Variants in JMY observed in about 807,000 individuals in gnomAD.
JMY encodes junction-mediating and -regulatory protein.
JMY carries 46 observed loss-of-function variants against 103.3 expected under a neutral mutation model. That is an observed-to-expected ratio of 0.45 (90% CI 0.35 to 0.57). The LOEUF (loss-of-function observed/expected upper bound fraction) is 0.57, where lower values mean the gene tolerates loss of function less well. Among genes scored for constraint, JMY ranks in the 20% least tolerant of loss-of-function variants. The pLI is 0.00. For missense variants in JMY, 1,238 were observed against 1,255.2 expected, an observed-to-expected ratio of 0.99 and a Z score of 0.21; for synonymous variants, 526 against 489.3, an observed-to-expected ratio of 1.07 and a Z score of -0.99.
chr5:79,324,804 C>G lies in JMY; in HGVS notation c.*3202C>G, dbSNP rs1747578516. 6.6e-6 allele frequency: 1 copy of G among 152,514 alleles called. No homozygotes were observed. Among genetic ancestry groups the G allele is most frequent in the African/African-American group, 2.4e-5 (1 of 41,410 alleles). 9.4% of individuals were successfully genotyped at this position (152,514 alleles called of 1,614,324 possible). A position where few individuals can be genotyped will look rare whatever the true frequency, so the allele number is the denominator to read the frequency against. ...TAATGCATTTTTTAAAAGGAGACTC[C>G]TAGACACAGCTGTAATAGTGGGAAT... On this transcript the variant is annotated 3_prime_UTR_variant, in exon 11 of 11. Transcript: ENST00000396137.
At chr5:79,249,235 T>C (rs887683992) in intron 1 of JMY, among the ~76,000 whole-genome samples, 5 of 152,180 alleles carry the variant, frequency 3.3e-5, no homozygotes, top group Non-Finnish European at 1.5e-5. Context: ...TTGGCCAGGC[T>C]GGTCTCAAAC....
intron 2 of JMY, among the ~76,000 whole-genome samples, chr5:79,288,221 C>T (rs1235966644): frequency 6.6e-6 from 1 of 152,146 alleles, no homozygotes; most frequent in Non-Finnish European, 1.5e-5. Flanking sequence ...TTCCTAGTAT[C>T]TCTCATTACT....
At position 79,314,509 on chromosome 5, in the gene JMY, C is replaced by T. The variant is rs752940556; in HGVS notation, c.2317C>T (p.Leu773Phe). The T allele has an allele frequency of 3.1e-6, 5 of 1,613,930 alleles. No homozygotes were observed. The East Asian group carries it at 1.1e-4, about 36-fold the overall frequency. Residue 773 changes from leucine (L) to phenylalanine (F), a missense_variant, in exon 9 of 11, where the codon CTC becomes TTC. Leu to Phe is a conservative substitution (Grantham distance 22). Transcript: ENST00000396137. ...LTQLEATSLP[L>F]SGVTSELPPT... is the part of the protein sequence containing the mutation. ...ACAACTTGAAGCCACCTCATTACCT[C>T]TCAGTGGTGTTACCTCTGAACTGCC...
intron 2 of JMY, among the ~76,000 whole-genome samples, chr5:79,282,186 G>A (rs951682299): frequency 2.6e-5 from 4 of 152,010 alleles, no homozygotes; most frequent in Non-Finnish European, 4.4e-5. Flanking sequence ...CAACCTGGGT[G>A]ACAGAGCGAG....
At chr5:79,289,285 A>C (rs1394358977) in intron 2 of JMY, among the ~76,000 whole-genome samples, 7 of 150,340 alleles carry the variant, frequency 4.7e-5, no homozygotes, top group Admixed American at 1.3e-4. Context: ...TTCTACCTTC[A>C]GAATTCATTA....
At position 79,300,227 on chromosome 5, in the gene JMY, A is replaced by G. The variant is rs781109619; in HGVS notation, c.1602A>G (p.Gln534=). The G allele has an allele frequency of 2.5e-6, 4 of 1,608,188 alleles. No individual in the cohort carries two copies. The highest frequency in any genetic ancestry group is 4.5e-5 in the East Asian group (2 of 44,438). ...DQLEADYYDL[Q]LQLYEVQFEI... is the part of the protein sequence containing the mutation. ...TAGAAGCTGATTATTATGATCTGCA[A>G]CTTCAGTTGTATGAAGTACAGTTTG... The change falls in exon 5 of 11, where the codon CAA becomes CAG. Residue 534 remains glutamine (Q), a synonymous_variant. Coordinates refer to ENST00000396137, the MANE Select transcript of JMY (RefSeq NM_152405.5).
At chr5:79,317,198 C>T (rs1267684422) in intron 10 of JMY, among the ~76,000 whole-genome samples, 1 of 151,898 alleles carries the variant, frequency 6.6e-6, no homozygotes. Flanking sequence ...GTTGCATTGT[C>T]TGATTATTTA....
chr5:79,325,878 G>A lies in JMY; in HGVS notation c.*4276G>A, dbSNP rs947453736. ...AGGCGGGAGGGAGTCTAGATTCGGCGAGAGTGTGCGTTTGTGTGTGTGAAT... is the reference window on the plus strand; with the variant it reads ...AGGCGGGAGGGAGTCTAGATTCGGCAAGAGTGTGCGTTTGTGTGTGTGAAT... On this transcript the variant is annotated 3_prime_UTR_variant, in exon 11 of 11. Transcript: ENST00000396137. 5 of 152,132 alleles carry A rather than the reference G, an allele frequency of 3.3e-5. No homozygotes were observed. Among genetic ancestry groups the A allele is most frequent in the Non-Finnish European group, 7.4e-5 (5 of 67,996 alleles). The allele number at this position is 152,132 out of a possible 1,614,324, so 9.4% of individuals were successfully genotyped here.
Position 79,314,701 on chromosome 5 carries a change from C to T in JMY, c.2509C>T (p.Leu837=), listed in dbSNP as rs369411759. Residue 837 remains leucine (L), a synonymous_variant, in exon 9 of 11, where the codon CTG becomes TTG. Coordinates refer to ENST00000396137, the MANE Select transcript of JMY (RefSeq NM_152405.5). Reference sequence around the variant, plus strand: ...TGCTAAGGACAGTGGCCCAGAGACACTGGAGAAAGATCTGCCTAGAAAGGA... The same window carrying T: ...TGCTAAGGACAGTGGCCCAGAGACATTGGAGAAAGATCTGCCTAGAAAGGA... The part of the protein sequence containing the change: ...PVAKDSGPET[L]EKDLPRKEGN... 1.2e-6 allele frequency: 2 copies of T among 1,602,322 alleles called. No homozygotes were observed. Among genetic ancestry groups the T allele is most frequent in the East Asian group, 2.3e-5 (1 of 44,118 alleles).
intron 6 of JMY, among the ~76,000 whole-genome samples, chr5:79,301,955 C>T (rs576831658): frequency 5.5e-4 from 83 of 151,990 alleles, no homozygotes; most frequent in Non-Finnish European, 1.0e-3. Context: ...TGGTGGCACG[C>T]GCCTGTAATC....
Position 79,322,161 on chromosome 5 carries a change from T to G in JMY, c.*559T>G, listed in dbSNP as rs986712442. ...TCCGCATTACTCATTTCCAAAGGAT[T>G]TTTCATAAAGATGTTCAGCAACATC... On this transcript the variant is annotated 3_prime_UTR_variant, in exon 11 of 11. Coordinates refer to ENST00000396137, the MANE Select transcript of JMY (RefSeq NM_152405.5). 6.6e-6 allele frequency: 1 copy of G among 152,216 alleles called. No homozygotes were observed. Among genetic ancestry groups the G allele is most frequent in the Non-Finnish European group, 1.5e-5 (1 of 68,044 alleles). 9.4% of individuals were successfully genotyped at this position (152,216 alleles called of 1,614,324 possible). A position where few individuals can be genotyped will look rare whatever the true frequency, so the allele number is the denominator to read the frequency against.
intron 10 of JMY, among the ~76,000 whole-genome samples, chr5:79,317,484 A>G (rs1216591758): frequency 1.3e-5 from 2 of 152,208 alleles, no homozygotes; most frequent in Non-Finnish European, 2.9e-5. Flanking sequence ...ATTAAACAGT[A>G]TATCAAATTT....
chr5:79,271,613 G>A (rs1381480654), intron 1 of JMY, among the ~76,000 whole-genome samples: 1 of 152,096 alleles, frequency 6.6e-6, no homozygotes, highest in Non-Finnish European at 1.5e-5. Context: ...TTGTACATTT[G>A]TGTCTCATTT....
chr5:79,286,211 A>G (rs1467134333), intron 2 of JMY, among the ~76,000 whole-genome samples: 1 of 152,260 alleles, frequency 6.6e-6, no homozygotes, highest in Non-Finnish European at 1.5e-5. Context: ...ACAGCATTAA[A>G]AAGCATAGAA....
chr5:79,244,829 A>G (rs1580325578), intron 1 of JMY, among the ~76,000 whole-genome samples: 2 of 136,016 alleles, frequency 1.5e-5, no homozygotes, highest in African/African-American at 5.6e-5. Flanking sequence ...TCTTGTAACT[A>G]TTTGTTTTTT....
At chr5:79,252,003 C>T (rs573251042) in intron 1 of JMY, among the ~76,000 whole-genome samples, 110 of 151,814 alleles carry the variant, frequency 7.2e-4, no homozygotes, top group Non-Finnish European at 1.2e-3. Context: ...CTTGAACTCC[C>T]GACCTCAGGT....
chr5:79,275,930 A>G (rs573801743), intron 1 of JMY, among the ~76,000 whole-genome samples: 1 of 152,356 alleles, frequency 6.6e-6, no homozygotes, highest in South Asian at 2.1e-4. Flanking sequence ...GATTACACAT[A>G]TGAACTGATA....
chr5:79,310,776 TAA>T (rs1747023434), intron 7 of JMY, among the ~76,000 whole-genome samples: 1 of 152,200 alleles, frequency 6.6e-6, no homozygotes, highest in Non-Finnish European at 1.5e-5. Context: ...TCAAATTGGA[TAA>T]GAGAATTCTG....
intron 1 of JMY, among the ~76,000 whole-genome samples, chr5:79,247,964 C>T (rs1337239017): frequency 6.6e-6 from 1 of 151,500 alleles, no homozygotes; most frequent in Admixed American, 6.6e-5. Context: ...AGAATCTTGG[C>T]TCACTGCAAC....
Sources: gnomAD v4.1 joint callset for allele counts (sites outside exome capture counted in the v4.1 genomes callset) on GRCh38, gnomAD v4.1.1 for gene constraint, MANE v1.5 for transcripts, NCBI Gene and HGNC (gene_info 2026-07-23, HGNC 2026-07-21) for gene names.